BBS9: variants seen among roughly 807,000 people sequenced by gnomAD.
BBS9 encodes the protein protein PTHB1.
Under a neutral mutation model 117.7 loss-of-function variants are expected in BBS9, and 89 were observed. The observed-to-expected ratio is 0.76, with a 90% CI of 0.64 to 0.90. The LOEUF is 0.90. Ranked by LOEUF, BBS9 falls within the 40% of genes least tolerant of loss-of-function variation. BBS9 has a pLI of 0.00. For missense variants in BBS9, 982 were observed against 1,042.2 expected (o/e 0.94, Z 0.80); for synonymous variants, 379 against 370.9 (o/e 1.02, Z -0.25).
intron 19 of BBS9, among the ~76,000 whole-genome samples, chr7:33,466,085 C>T (rs1584926585): frequency 6.6e-6 from 1 of 152,118 alleles, no homozygotes; most frequent in East Asian, 1.9e-4. Context: ...TATATACACA[C>T]ATTGTGAAAT....
chr7:33,407,337 A>T (rs1177526949), intron 19 of BBS9, among the ~76,000 whole-genome samples: 2 of 151,680 alleles, frequency 1.3e-5, no homozygotes, highest in Admixed American at 6.6e-5. Context: ...ACATTCGTCT[A>T]AATTTTTTTC....
At chr7:33,504,121 T>C (rs551922888) in intron 19 of BBS9, among the ~76,000 whole-genome samples, 56 of 152,346 alleles carry the variant, frequency 3.7e-4, no homozygotes, top group African/African-American at 1.3e-3. Flanking sequence ...TTCTTTTGAA[T>C]GTAATTGGGG....
chr7:33,457,825 T>C (rs558600495), intron 19 of BBS9, among the ~76,000 whole-genome samples: 3 of 152,302 alleles, frequency 2.0e-5, no homozygotes, highest in African/African-American at 7.2e-5. Context: ...TAACTTTTAA[T>C]TTAACCACTT....
intron 21 of BBS9, among the ~76,000 whole-genome samples, chr7:33,556,680 A>G (rs1303178933): frequency 1.3e-5 from 2 of 152,172 alleles, no homozygotes; most frequent in Admixed American, 6.6e-5. Context: ...ACTAAATTCA[A>G]CTCAAGATGC....
At chr7:33,539,047 G>A (rs1851879921) in intron 21 of BBS9, among the ~76,000 whole-genome samples, 1 of 152,190 alleles carries the variant, frequency 6.6e-6, no homozygotes, top group South Asian at 2.1e-4. Flanking sequence ...GTGAGCTTCT[G>A]TTACTAATAA....
intron 20 of BBS9, among the ~76,000 whole-genome samples, chr7:33,512,714 T>C (rs1427380635): frequency 6.6e-6 from 1 of 152,214 alleles, no homozygotes; most frequent in Non-Finnish European, 1.5e-5. Context: ...TAGAAACATA[T>C]ACATGGAAAT....
At chr7:33,584,900 T>C (rs1237865202) in intron 21 of BBS9, among the ~76,000 whole-genome samples, 3 of 152,132 alleles carry the variant, frequency 2.0e-5, no homozygotes, top group Admixed American at 2.0e-4. Context: ...TTCCCTAAGA[T>C]CATTCTTTTA....
chr7:33,159,192 T>A (rs936386535), intron 4 of BBS9, among the ~76,000 whole-genome samples: 1 of 152,144 alleles, frequency 6.6e-6, no homozygotes, highest in Non-Finnish European at 1.5e-5. Context: ...GATTTAACAA[T>A]TTTCCTCTTT....
chr7:33,512,358 T>C (rs1847088560), intron 20 of BBS9, among the ~76,000 whole-genome samples: 1 of 152,194 alleles, frequency 6.6e-6, no homozygotes, highest in African/African-American at 2.4e-5. Context: ...ACATCAAATA[T>C]TGAATGGTGC....
intron 21 of BBS9, among the ~76,000 whole-genome samples, chr7:33,564,147 A>G (rs1856515122): frequency 6.6e-6 from 1 of 152,232 alleles, no homozygotes; most frequent in Middle Eastern, 3.4e-3. Flanking sequence ...TTGGAGAGAG[A>G]GGAGAGATAT....
chr7:33,155,578 C>A, intron 3 of BBS9, 60 bp from the exon 4 acceptor site: 1 of 1,147,350 alleles, frequency 8.7e-7, no homozygotes, highest in Non-Finnish European at 1.3e-6. Flanking sequence ...TATTTTACAA[C>A]TTTTTGGTTA....
Position 33,258,185 on chromosome 7 carries a change from A to G in BBS9, c.617+775A>G, listed in dbSNP as rs533125192. Reference sequence around the variant, plus strand: ...CTTGGAGGTTTTCAGTGCCTTTAGTAACTTTATTGTGTTGTCTTACTGGTG... The same window carrying G: ...CTTGGAGGTTTTCAGTGCCTTTAGTGACTTTATTGTGTTGTCTTACTGGTG... On this transcript the variant is annotated intron_variant, in intron 6 of 22. Coordinates refer to ENST00000242067, the MANE Select transcript of BBS9 (RefSeq NM_198428.3). 2.0e-5 allele frequency among the ~76,000 whole-genome samples: 3 copies of G among 152,310 alleles called. No individual in the cohort carries two copies. In the South Asian group the frequency reaches 6.2e-4, roughly 32 times the overall value.
chr7:33,422,303 C>T (rs1832976755), intron 19 of BBS9, among the ~76,000 whole-genome samples: 1 of 152,124 alleles, frequency 6.6e-6, no homozygotes, highest in African/African-American at 2.4e-5. Context: ...AAATATTATT[C>T]TGATGCAGAC....
At chr7:33,451,276 G>A (rs566812058) in intron 19 of BBS9, among the ~76,000 whole-genome samples, 35 of 152,230 alleles carry the variant, frequency 2.3e-4, no homozygotes, top group African/African-American at 7.2e-4. Context: ...CTTGCCAAAT[G>A]CAGTGTTATA....
At chr7:33,198,704 A>G (rs1184424329) in intron 5 of BBS9, among the ~76,000 whole-genome samples, 6 of 152,016 alleles carry the variant, frequency 3.9e-5, no homozygotes, top group African/African-American at 2.4e-5. Context: ...AAAGTATAAC[A>G]TATGTGTAAA....
intron 16 of BBS9, among the ~76,000 whole-genome samples, chr7:33,358,245 T>G (rs918577885): frequency 4.0e-5 from 6 of 151,826 alleles, no homozygotes; most frequent in Non-Finnish European, 7.4e-5. Context: ...TATTCAGAAA[T>G]AAAAATCAAG....
chr7:33,195,306 T>C (rs1344940740), intron 5 of BBS9, among the ~76,000 whole-genome samples: 1 of 152,216 alleles, frequency 6.6e-6, no homozygotes. Flanking sequence ...ACTTTGGGGT[T>C]ATTTTTTTAG....
intron 21 of BBS9, among the ~76,000 whole-genome samples, chr7:33,543,239 G>C (rs1023058559): frequency 6.6e-6 from 1 of 151,146 alleles, no homozygotes; most frequent in African/African-American, 2.4e-5. Context: ...TCATAGGTTT[G>C]TTGGCCATTT....
chr7:33,367,461 A>G (rs900354979), intron 16 of BBS9, among the ~76,000 whole-genome samples: 1 of 152,110 alleles, frequency 6.6e-6, no homozygotes, highest in Admixed American at 6.6e-5. Context: ...CTGGCTCGGT[A>G]ATAGCTTCCT....
Sources: gnomAD v4.1 joint callset for allele counts (sites outside exome capture counted in the v4.1 genomes callset) on GRCh38, gnomAD v4.1.1 for gene constraint, MANE v1.5 for transcripts, NCBI Gene and HGNC (gene_info 2026-07-23, HGNC 2026-07-21) for gene names.